PITPNM2: variants seen among roughly 807,000 people sequenced by gnomAD.
PITPNM2 encodes the protein membrane-associated phosphatidylinositol transfer protein 2.
In PITPNM2, 35 loss-of-function variants were observed where a neutral mutation model predicts 132.2. That is an observed-to-expected ratio of 0.26 (90% CI 0.20 to 0.35). PITPNM2 has a LOEUF of 0.35. Ranked by LOEUF, PITPNM2 falls within the 10% of genes least tolerant of loss-of-function variation. The probability of loss-of-function intolerance (pLI) is 1.00; values close to 1 mark genes in which losing one functional copy is unlikely to be tolerated. For synonymous variants in PITPNM2, 738 were observed against 799.2 expected, an observed-to-expected ratio of 0.92 and a Z score of 1.29; for missense variants, 1,332 against 1,912.0, an observed-to-expected ratio of 0.70 and a Z score of 5.66.
At chr12:123,141,023 C>A (rs1416078165) in intron 1 of PITPNM2, among the ~76,000 whole-genome samples, 1 of 151,556 alleles carries the variant, frequency 6.6e-6, no homozygotes, top group African/African-American at 2.4e-5. Context: ...TTAGACTCAA[C>A]TAGATCAGGA....
chr12:123,012,772 T>C, intron 4 of PITPNM2, 38 bp from the exon 5 acceptor site: 1 of 1,608,774 alleles, frequency 6.2e-7, no homozygotes, highest in Non-Finnish European at 8.5e-7. Context: ...GACCTGTCCT[T>C]GGAGAGGCCC....
At chr12:123,136,887 C>T (rs891553758) in intron 1 of PITPNM2, among the ~76,000 whole-genome samples, 8 of 151,984 alleles carry the variant, frequency 5.3e-5, no homozygotes, top group Non-Finnish European at 7.4e-5. Flanking sequence ...AGCGAGACTC[C>T]GTCTCAAAAA....
At chr12:123,127,615 T>TC (rs1265436339) in intron 1 of PITPNM2, among the ~76,000 whole-genome samples, 2 of 150,560 alleles carry the variant, frequency 1.3e-5, no homozygotes, top group African/African-American at 4.9e-5. Context: ...TCTTTCTTTT[T>TC]TTTTTTTTTT....
intron 2 of PITPNM2, among the ~76,000 whole-genome samples, chr12:123,051,112 C>G (rs1182396258): frequency 7.0e-6 from 1 of 142,776 alleles, no homozygotes; most frequent in Non-Finnish European, 1.6e-5. Flanking sequence ...ATCCTCAAGG[C>G]CCACCCCTCG....
chr12:123,091,044 GGAAAAGTGGT>G (rs1023412604), intron 2 of PITPNM2: 1 of 152,286 alleles, frequency 6.6e-6, no homozygotes, highest in Non-Finnish European at 1.5e-5. Context: ...AGGAGGCTCA[GGAAAAGTGGT>G]GCAGGATTCA....
intron 2 of PITPNM2, among the ~76,000 whole-genome samples, chr12:123,056,710 G>C (rs920929160): frequency 3.3e-5 from 5 of 152,174 alleles, no homozygotes; most frequent in African/African-American, 1.2e-4. Context: ...GTCCTCTCCC[G>C]GGATGCCCCA....
intron 2 of PITPNM2, among the ~76,000 whole-genome samples, chr12:123,075,408 G>A (rs965893064): frequency 1.3e-5 from 2 of 152,210 alleles, no homozygotes; most frequent in Non-Finnish European, 2.9e-5. Flanking sequence ...AGCACAGCCT[G>A]GGTGGTGGAT....
chr12:123,073,116 T>C (rs1025558427), intron 2 of PITPNM2, among the ~76,000 whole-genome samples: 8 of 152,248 alleles, frequency 5.3e-5, no homozygotes, highest in South Asian at 2.1e-4. Context: ...TGGCTTCTCA[T>C]GGGTCGTTAA....
intron 3 of PITPNM2, among the ~76,000 whole-genome samples, chr12:123,029,692 T>C (rs966569605): frequency 1.3e-5 from 2 of 151,814 alleles, no homozygotes; most frequent in African/African-American, 4.8e-5. Context: ...TGTGCACATA[T>C]GTGTGCATGT....
intron 1 of PITPNM2, among the ~76,000 whole-genome samples, chr12:123,125,586 T>C (rs575072777): frequency 2.6e-5 from 4 of 152,166 alleles, no homozygotes; most frequent in African/African-American, 7.2e-5. Flanking sequence ...GGCTCACGCC[T>C]GTAATCCCAG....
At chr12:123,100,516 C>T (rs1209209995) in intron 2 of PITPNM2, among the ~76,000 whole-genome samples, 1 of 152,042 alleles carries the variant, frequency 6.6e-6, no homozygotes, top group Non-Finnish European at 1.5e-5. Context: ...ATCCCAGCTA[C>T]TCAGGAGGCT....
At chr12:123,129,623 C>A (rs570727667) in intron 1 of PITPNM2, among the ~76,000 whole-genome samples, 1 of 152,174 alleles carries the variant, frequency 6.6e-6, no homozygotes, top group Non-Finnish European at 1.5e-5. Context: ...TTTCTGGCAT[C>A]AACTGAAAGC....
intron 10 of PITPNM2, among the ~76,000 whole-genome samples, chr12:122,997,969 C>T (rs1254247060): frequency 3.3e-5 from 5 of 152,214 alleles, no homozygotes; most frequent in Non-Finnish European, 7.3e-5. Flanking sequence ...CAGAGAGGTT[C>T]AGCCTGTCTT....
intron 2 of PITPNM2, among the ~76,000 whole-genome samples, chr12:123,041,612 T>C (rs893793323): frequency 6.6e-6 from 1 of 152,206 alleles, no homozygotes; most frequent in Non-Finnish European, 1.5e-5. Flanking sequence ...CCAGTCCGGC[T>C]GCCTGGGTGC....
intron 2 of PITPNM2, among the ~76,000 whole-genome samples, chr12:123,035,899 C>T (rs1592962790): frequency 1.3e-5 from 2 of 152,258 alleles, no homozygotes; most frequent in Non-Finnish European, 2.9e-5. Flanking sequence ...TCACTCTGCA[C>T]CCAGGCTAGA....
In PITPNM2 at chr12:122,985,721, A is replaced by C; in HGVS notation, c.*306T>G. On this transcript the variant is annotated 3_prime_UTR_variant, in exon 26 of 26. Coordinates refer to ENST00000320201, the MANE Select transcript of PITPNM2 (RefSeq NM_020845.3). ...CTGGGCCCACACCTGGCACCAGGAC[A>C]CTTGGAGATCCACACAGGGCAAAAT... 6.8e-6 allele frequency: 2 copies of C among 292,920 alleles called. No homozygotes were observed. The highest frequency in any genetic ancestry group is 1.2e-5 in the Non-Finnish European group (2 of 160,712). 18.1% of individuals were successfully genotyped at this position (292,920 alleles called of 1,614,324 possible). A position where few individuals can be genotyped will look rare whatever the true frequency, so the allele number is the denominator to read the frequency against.
chr12:123,094,413 G>A (rs1336836710), intron 2 of PITPNM2, among the ~76,000 whole-genome samples: 1 of 152,212 alleles, frequency 6.6e-6, no homozygotes, highest in Non-Finnish European at 1.5e-5. Flanking sequence ...GGCTGAAGCG[G>A]AGCCCAGCCA....
chr12:123,098,573 T>C (rs1297934881), intron 2 of PITPNM2, among the ~76,000 whole-genome samples: 1 of 152,110 alleles, frequency 6.6e-6, no homozygotes, highest in Non-Finnish European at 1.5e-5. Flanking sequence ...TAGCCAGGCA[T>C]GGTGGCCTGC....
chr12:123,018,281 CTTTTTTCTTTTCTTTTTTT>C (rs1043658960), intron 3 of PITPNM2, among the ~76,000 whole-genome samples: 4 of 126,742 alleles, frequency 3.2e-5, no homozygotes, highest in South Asian at 2.6e-4. Context: ...AATTTCTTTT[CTTTTTTCTTTTCTTTTTTT>C]TTTTTTTTTT....
Sources: gnomAD v4.1 joint callset for allele counts (sites outside exome capture counted in the v4.1 genomes callset) on GRCh38, gnomAD v4.1.1 for gene constraint, MANE v1.5 for transcripts, NCBI Gene and HGNC (gene_info 2026-07-23, HGNC 2026-07-21) for gene names.